TET3: variants seen among roughly 807,000 people sequenced by gnomAD.
TET3 encodes the protein tet methylcytosine dioxygenase 3.
Under a neutral mutation model 141.4 loss-of-function variants are expected in TET3, and 19 were observed. The ratio of observed to expected loss-of-function variants is 0.13; its 90% CI spans 0.09 to 0.20. The LOEUF (loss-of-function observed/expected upper bound fraction) is 0.20, where lower values mean the gene tolerates loss of function less well. TET3 is among the 10% of genes least tolerant of loss of function. TET3 has a pLI of 1.00. For synonymous variants in TET3, 1,043 were observed against 980.9 expected (o/e 1.06, Z -1.18); for missense variants, 1,874 against 2,356.9 (o/e 0.80, Z 4.24).
At chr2:74,045,009 T>C (rs964161181) in intron 3 of TET3, among the ~76,000 whole-genome samples, 2 of 152,226 alleles carry the variant, frequency 1.3e-5, no homozygotes, top group African/African-American at 4.8e-5. Flanking sequence ...GGGAAGAGAT[T>C]GTTCTCTTCA....
chr2:74,019,801 T>A lies in TET3; in HGVS notation c.360+16635T>A, dbSNP rs536696168. On this transcript the variant is annotated intron_variant, in intron 3 of 11. Coordinates refer to ENST00000409262, the MANE Select transcript of TET3 (RefSeq NM_001287491.2). Reference sequence around the variant, plus strand: ...GGAAAAAGGAGGTCCTGGGCCATTTTTCCACGTGCAGACATCAGGGAGGAG... The same window carrying A: ...GGAAAAAGGAGGTCCTGGGCCATTTATCCACGTGCAGACATCAGGGAGGAG... 4.6e-5 allele frequency among the ~76,000 whole-genome samples: 7 copies of A among 152,298 alleles called. No individual in the cohort carries two copies. The East Asian group carries it at 1.2e-3, about 25-fold the overall frequency.
upstream of TET3, among the ~76,000 whole-genome samples, chr2:73,983,846 G>A (rs1683869349): frequency 6.6e-6 from 1 of 152,206 alleles, no homozygotes; most frequent in Non-Finnish European, 1.5e-5. Context: ...GTATGTCAGA[G>A]ACCCACCCTG....
chr2:74,094,781 T>G (rs2104144146), intron 10 of TET3, among the ~76,000 whole-genome samples: 1 of 152,256 alleles, frequency 6.6e-6, no homozygotes, highest in African/African-American at 2.4e-5. Flanking sequence ...GGCTTTTTGC[T>G]TCAGCATCTG....
chr2:74,017,624 G>A (rs1341197814), intron 3 of TET3, among the ~76,000 whole-genome samples: 2 of 151,974 alleles, frequency 1.3e-5, no homozygotes, highest in South Asian at 2.1e-4. Flanking sequence ...CACGTACCAC[G>A]TGTTCTTTAT....
chr2:74,065,658 C>T lies in TET3; in HGVS notation c.2495-7891C>T, dbSNP rs202124874. Among the ~76,000 whole-genome samples, 36 of 145,956 alleles carry T rather than the reference C, an allele frequency of 2.5e-4. No individual in the cohort carries two copies. The East Asian group carries it at 7.0e-3, about 28-fold the overall frequency. ...TCCTTCTCTTTCTCTCTCTTCTTTT[C>T]TTTTTTCTTTCTTTCTTTCCCTTTC... On this transcript the variant is annotated intron_variant, in intron 4 of 11. Coordinates refer to ENST00000409262, the MANE Select transcript of TET3 (RefSeq NM_001287491.2).
At chr2:73,998,558 G>C (rs1420920604) in intron 2 of TET3, 1 of 152,756 alleles carries the variant, frequency 6.5e-6, no homozygotes, top group Non-Finnish European at 1.5e-5. Context: ...TGCTGCTGCT[G>C]CTGCTCCACC....
chr2:74,025,434 C>T (rs1026294756), intron 3 of TET3, among the ~76,000 whole-genome samples: 21 of 151,424 alleles, frequency 1.4e-4, no homozygotes, highest in African/African-American at 4.8e-4. Flanking sequence ...ACCACAGGCA[C>T]CCACCACCAC....
chr2:74,079,626 A>G (rs892563211), intron 5 of TET3, among the ~76,000 whole-genome samples: 2 of 152,196 alleles, frequency 1.3e-5, no homozygotes, highest in African/African-American at 4.8e-5. Context: ...GATCTTTACC[A>G]AGCCCAGGAG....
chr2:74,008,152 G>A lies in TET3; in HGVS notation c.360+4986G>A, dbSNP rs1573673523. Among the ~76,000 whole-genome samples, 5 of 152,254 alleles carry A rather than the reference G, an allele frequency of 3.3e-5. No homozygotes were observed. The South Asian group carries it at 1.0e-3, about 32-fold the overall frequency. Reference sequence around the variant, plus strand: ...TTTTGATGCCTCCCCACCCCTTCTGGACATGACTTTTCCACTCTTCTATAC... The same window carrying A: ...TTTTGATGCCTCCCCACCCCTTCTGAACATGACTTTTCCACTCTTCTATAC... On this transcript the variant is annotated intron_variant, in intron 3 of 11. Transcript: ENST00000409262.
chr2:74,109,016 C>A (rs2104291260), downstream of TET3, among the ~76,000 whole-genome samples: 1 of 152,326 alleles, frequency 6.6e-6, no homozygotes, highest in Non-Finnish European at 1.5e-5. Flanking sequence ...GCACACCTGG[C>A]TATCCAGGGA....
chr2:74,014,466 C>T (rs924852076), intron 3 of TET3, among the ~76,000 whole-genome samples: 4 of 152,146 alleles, frequency 2.6e-5, no homozygotes, highest in Non-Finnish European at 5.9e-5. Context: ...CAGTGCAGCA[C>T]TTGGTGACTC....
chr2:73,999,593 C>CA (rs1373097127), intron 2 of TET3, among the ~76,000 whole-genome samples: 1 of 152,006 alleles, frequency 6.6e-6, no homozygotes, highest in Non-Finnish European at 1.5e-5. Context: ...TAAATCCATT[C>CA]ACCTCTCCAG....
chr2:74,013,799 G>A (rs1335772976), intron 3 of TET3, among the ~76,000 whole-genome samples: 1 of 152,020 alleles, frequency 6.6e-6, no homozygotes, highest in African/African-American at 2.4e-5. Context: ...GCGACAGAGC[G>A]AGACTCCATC....
chr2:74,120,196 C>T, the TET3 span, among the ~76,000 whole-genome samples: 1 of 152,204 alleles, frequency 6.6e-6, no homozygotes, highest in African/African-American at 2.4e-5. Context: ...ATTCTAGGCG[C>T]CCGGCTCCCG....
chr2:74,120,669 G>A, the TET3 span: 1 of 152,290 alleles, frequency 6.6e-6, no homozygotes, highest in Non-Finnish European at 1.5e-5. Flanking sequence ...CCACTTGCCT[G>A]CCTGGACCCA....
chr2:74,011,147 G>A (rs769365159), intron 3 of TET3, among the ~76,000 whole-genome samples: 5 of 144,810 alleles, frequency 3.5e-5, no homozygotes, highest in Non-Finnish European at 7.4e-5. Flanking sequence ...AGAATCGCTT[G>A]AACCCGGGAG....
chr2:74,074,719 C>G (rs957755757), intron 5 of TET3, among the ~76,000 whole-genome samples: 1 of 150,992 alleles, frequency 6.6e-6, no homozygotes. Context: ...AGGAGTGTCC[C>G]GAGGATAAAC....
rs531268601 is a variant in TET3 at position 74,028,969 on chromosome 2, C to T, written c.361-17309C>T. The stretch of plus-strand genomic sequence containing the variant: ...TGGCCAAGACTCAGCTGGCCATGCT[C>T]AATCTGCTTATCTCTTGCTGGGCAT... On this transcript the variant is annotated intron_variant, in intron 3 of 11. Transcript: ENST00000409262. Among the ~76,000 whole-genome samples the T allele has an allele frequency of 7.9e-5, 12 of 152,286 alleles. No individual in the cohort carries two copies. The South Asian group carries it at 2.5e-3, about 32-fold the overall frequency.
chr2:74,012,224 A>G (rs1685472954), intron 3 of TET3, among the ~76,000 whole-genome samples: 1 of 152,184 alleles, frequency 6.6e-6, no homozygotes. Context: ...TGGCCTCCCA[A>G]AGTGTTACAA....
Sources: gnomAD v4.1 joint callset for allele counts (sites outside exome capture counted in the v4.1 genomes callset) on GRCh38, gnomAD v4.1.1 for gene constraint, MANE v1.5 for transcripts, NCBI Gene and HGNC (gene_info 2026-07-23, HGNC 2026-07-21) for gene names.